BRINP2: variants seen among roughly 807,000 people sequenced by gnomAD.
BRINP2 encodes the protein BMP/retinoic acid-inducible neural-specific protein 2.
Under a neutral mutation model 69.2 loss-of-function variants are expected in BRINP2, and 21 were observed. That is an observed-to-expected ratio of 0.30 (90% CI 0.22 to 0.44). BRINP2 has a LOEUF of 0.44. Ranked by LOEUF, BRINP2 falls within the 20% of genes least tolerant of loss-of-function variation. BRINP2 has a pLI of 1.00. For missense variants in BRINP2, 877 were observed against 986.0 expected (o/e 0.89, Z 1.48); for synonymous variants, 380 against 394.1 (o/e 0.96, Z 0.42).
chr1:177,188,350 C>G (rs1648491869), intron 1 of BRINP2, among the ~76,000 whole-genome samples: 1 of 151,968 alleles, frequency 6.6e-6, no homozygotes, highest in Non-Finnish European at 1.5e-5. Flanking sequence ...CTTGTGAAGC[C>G]TATGTTTTAG....
chr1:177,216,818 T>A (rs1210035208), intron 1 of BRINP2, among the ~76,000 whole-genome samples: 1 of 149,932 alleles, frequency 6.7e-6, no homozygotes, highest in East Asian at 2.0e-4. Flanking sequence ...TTTGAATATA[T>A]CATCCAATTC....
Position 177,204,584 on chromosome 1 carries a change from A to G in BRINP2, c.-76-25217A>G, listed in dbSNP as rs569659822. Among the ~76,000 whole-genome samples, 3 of 152,288 alleles carry G rather than the reference A, an allele frequency of 2.0e-5. No homozygotes were observed. In the South Asian group the frequency reaches 6.2e-4, roughly 32 times the overall value. On this transcript the variant is annotated intron_variant, in intron 1 of 7. Transcript: ENST00000361539. The stretch of plus-strand genomic sequence containing the variant: ...AATGGGCTTATGCAAGTGGGCTGGT[A>G]ACACCAATGCCCGGCTCTCTCTCTA...
At chr1:177,184,790 A>T (rs1256574732) in intron 1 of BRINP2, among the ~76,000 whole-genome samples, 1 of 152,194 alleles carries the variant, frequency 6.6e-6, no homozygotes, top group Non-Finnish European at 1.5e-5. Flanking sequence ...TTCCATTAAA[A>T]TATGGGTTAC....
At chr1:177,198,545 C>G (rs1403100239) in intron 1 of BRINP2, among the ~76,000 whole-genome samples, 1 of 152,112 alleles carries the variant, frequency 6.6e-6, no homozygotes, top group Non-Finnish European at 1.5e-5. Context: ...GTTCAGAACC[C>G]TTAGGAAGTC....
At chr1:177,187,935 C>T (rs922688878) in intron 1 of BRINP2, among the ~76,000 whole-genome samples, 3 of 152,048 alleles carry the variant, frequency 2.0e-5, no homozygotes, top group Non-Finnish European at 2.9e-5. Context: ...TCTAAAATTC[C>T]AGCACACCTG....
intron 1 of BRINP2, among the ~76,000 whole-genome samples, chr1:177,208,138 T>C (rs1649117472): frequency 6.6e-6 from 1 of 152,210 alleles, no homozygotes; most frequent in South Asian, 2.1e-4. Context: ...CAAAGCTTTT[T>C]ATTGTCCTGT....
At chr1:177,245,476 A>G (rs899371499) in intron 2 of BRINP2, among the ~76,000 whole-genome samples, 3 of 152,218 alleles carry the variant, frequency 2.0e-5, no homozygotes, top group African/African-American at 7.2e-5. Flanking sequence ...AGTCTGTGGG[A>G]ATTCTCTGGG....
chr1:177,175,310 G>A (rs558030443), intron 1 of BRINP2, among the ~76,000 whole-genome samples: 1 of 152,252 alleles, frequency 6.6e-6, no homozygotes, highest in East Asian at 1.9e-4. Flanking sequence ...AGGATGCGGT[G>A]TTGCCTGAAG....
chr1:177,214,375 G>A (rs949087588), intron 1 of BRINP2, among the ~76,000 whole-genome samples: 1 of 152,168 alleles, frequency 6.6e-6, no homozygotes, highest in African/African-American at 2.4e-5. Context: ...GGAGGTTGCA[G>A]TGAGCCGAGA....
intron 1 of BRINP2, among the ~76,000 whole-genome samples, chr1:177,195,936 G>A (rs551351431): frequency 3.3e-5 from 5 of 152,192 alleles, no homozygotes; most frequent in Admixed American, 6.5e-5. Flanking sequence ...TCCCCTCTCT[G>A]GGCTGTTGCC....
At chr1:177,178,753 A>G (rs1341845438) in intron 1 of BRINP2, among the ~76,000 whole-genome samples, 1 of 152,166 alleles carries the variant, frequency 6.6e-6, no homozygotes, top group African/African-American at 2.4e-5. Flanking sequence ...CTTATTGAGT[A>G]TATTATTAAG....
chr1:177,222,338 G>A (rs1039463242), intron 1 of BRINP2, among the ~76,000 whole-genome samples: 2 of 151,684 alleles, frequency 1.3e-5, no homozygotes, highest in African/African-American at 2.4e-5. Flanking sequence ...TCGAGATGGC[G>A]TCTCACTCTA....
intron 1 of BRINP2, among the ~76,000 whole-genome samples, chr1:177,207,781 C>T (rs1484228433): frequency 6.6e-6 from 1 of 152,146 alleles, no homozygotes; most frequent in Non-Finnish European, 1.5e-5. Context: ...TCAAAAAAGG[C>T]TGGTTCCTGG....
intron 1 of BRINP2, among the ~76,000 whole-genome samples, chr1:177,172,866 A>G (rs1558147433): frequency 6.6e-6 from 1 of 152,202 alleles, no homozygotes; most frequent in African/African-American, 2.4e-5. Flanking sequence ...CAGCAGGGAC[A>G]TTGTTATGTC....
At chr1:177,185,364 A>G (rs998255402) in intron 1 of BRINP2, among the ~76,000 whole-genome samples, 4 of 152,196 alleles carry the variant, frequency 2.6e-5, no homozygotes, top group African/African-American at 4.8e-5. Context: ...CCTATTAAAT[A>G]TGTGTTTAAA....
At position 177,278,742 on chromosome 1, in the gene BRINP2, A is replaced by C. The variant is rs1292891907; in HGVS notation, c.1192A>C (p.Lys398Gln). The change falls in exon 7 of 8, where the codon AAG (lysine) becomes CAG (glutamine). Residue 398 changes from lysine to glutamine, a missense_variant. Coordinates refer to ENST00000361539, the MANE Select transcript of BRINP2 (RefSeq NM_021165.4). ...CCTACGCCGGCTCTTCAACCTCTGC[A>C]AGCGCTGCCATCGCCAGCCTCGCTT... ...RILRRLFNLC[K>Q]RCHRQPRFRL... 2.4e-5 allele frequency: 39 copies of C among 1,614,174 alleles called. No individual in the cohort carries two copies. In the East Asian group the frequency reaches 8.5e-4, roughly 35 times the overall value.
At chr1:177,247,673 G>T (rs535554839) in intron 2 of BRINP2, among the ~76,000 whole-genome samples, 1 of 152,314 alleles carries the variant, frequency 6.6e-6, no homozygotes, top group East Asian at 1.9e-4. Flanking sequence ...GATCAGGAGG[G>T]CCAAAGAATA....
chr1:177,225,460 C>T (rs1649666828), intron 1 of BRINP2, among the ~76,000 whole-genome samples: 1 of 152,166 alleles, frequency 6.6e-6, no homozygotes, highest in South Asian at 2.1e-4. Context: ...AATATCCTAG[C>T]ATATAACATG....
At chr1:177,201,847 G>T (rs1051594913) in intron 1 of BRINP2, among the ~76,000 whole-genome samples, 18 of 152,202 alleles carry the variant, frequency 1.2e-4, no homozygotes, top group African/African-American at 4.3e-4. Flanking sequence ...TTTTTGGTTG[G>T]TAAGCTATTA....
Sources: gnomAD v4.1 joint callset for allele counts (sites outside exome capture counted in the v4.1 genomes callset) on GRCh38, gnomAD v4.1.1 for gene constraint, MANE v1.5 for transcripts, NCBI Gene and HGNC (gene_info 2026-07-23, HGNC 2026-07-21) for gene names.